The following PLCE1 variants were observed in gnomAD, a reference collection of about 807,000 sequenced individuals.
The protein encoded by PLCE1 is phospholipase C epsilon 1.
A neutral mutation model predicts 242.8 loss-of-function variants in PLCE1; 119 were observed. That is an observed-to-expected ratio of 0.49 (90% CI 0.42 to 0.57). PLCE1 has a LOEUF of 0.57. PLCE1 is among the 20% of genes least tolerant of loss of function. The pLI, the probability that PLCE1 is intolerant of heterozygous loss-of-function variation, is 0.00. For synonymous variants in PLCE1, 945 were observed against 1,017.4 expected (o/e 0.93, Z 1.35); for missense variants, 2,441 against 2,788.8 (o/e 0.88, Z 2.81).
chr10:94,033,272 C>T (rs1382998886), intron 2 of PLCE1, among the ~76,000 whole-genome samples: 1 of 151,682 alleles, frequency 6.6e-6, no homozygotes. Flanking sequence ...TATACTTATG[C>T]ATATATTGGA....
At chr10:94,255,912 ACACTCTCTCTCTCT>A (rs1203447952) in intron 11 of PLCE1, among the ~76,000 whole-genome samples, 163 of 87,016 alleles carry the variant, frequency 1.9e-3, no homozygotes, top group African/African-American at 3.5e-3. Flanking sequence ...ACACACACAC[ACACTCTCTCTCTCT>A]CTCTCTCTCT....
intron 2 of PLCE1, among the ~76,000 whole-genome samples, chr10:94,128,464 A>C (rs1022011655): frequency 6.6e-6 from 1 of 152,136 alleles, no homozygotes; most frequent in African/African-American, 2.4e-5. Flanking sequence ...CTTTGTGGTG[A>C]GGGTATTGGC....
intron 2 of PLCE1, among the ~76,000 whole-genome samples, chr10:94,091,797 T>C (rs1296551993): frequency 6.6e-6 from 1 of 151,988 alleles, no homozygotes; most frequent in Admixed American, 6.6e-5. Context: ...AAGGGGGTTA[T>C]GGGCCACCTG....
chr10:94,283,477 T>C (rs368722000), intron 20 of PLCE1: 1 of 343,210 alleles, frequency 2.9e-6, no homozygotes, highest in Non-Finnish European at 5.7e-6. Context: ...ATTTGCACAG[T>C]TCCAATCATC....
chr10:94,269,154 T>G lies in PLCE1; in HGVS notation c.4389+118T>G, dbSNP rs935959383. Reference sequence around the variant, plus strand: ...TCTCGCTCTGTTATCCAGGCTGGAGTAGAGTGGTACCATCTTGGCTCACTG... The same window carrying G: ...TCTCGCTCTGTTATCCAGGCTGGAGGAGAGTGGTACCATCTTGGCTCACTG... On this transcript the variant is annotated intron_variant, in intron 17 of 32. Transcript: ENST00000371380. The G allele has an allele frequency of 1.5e-5, 9 of 601,292 alleles. No homozygotes were observed. In the Admixed American group the frequency reaches 2.3e-4, roughly 15 times the overall value. 37.2% of individuals were successfully genotyped at this position (601,292 alleles called of 1,614,324 possible).
At chr10:94,171,063 C>A in intron 3 of PLCE1, 117 bp from the exon 4 acceptor site, 1 of 873,790 alleles carries the variant, frequency 1.1e-6, no homozygotes, top group Non-Finnish European at 1.9e-6. Context: ...CAGAACTCTT[C>A]ACTAAGCAGA....
intron 27 of PLCE1, among the ~76,000 whole-genome samples, chr10:94,309,852 C>A (rs2053330340): frequency 6.6e-6 from 1 of 151,928 alleles, no homozygotes; most frequent in Non-Finnish European, 1.5e-5. Context: ...TTGGGCAAGA[C>A]CCCATCTCTA....
At chr10:94,066,119 A>G (rs1342264219) in intron 2 of PLCE1, among the ~76,000 whole-genome samples, 1 of 152,210 alleles carries the variant, frequency 6.6e-6, no homozygotes, top group African/African-American at 2.4e-5. Flanking sequence ...ATGTGGAGAC[A>G]GCAAACTTTG....
At chr10:94,160,827 G>C (rs914774707) in intron 3 of PLCE1, among the ~76,000 whole-genome samples, 4 of 151,938 alleles carry the variant, frequency 2.6e-5, no homozygotes, top group East Asian at 1.9e-4. Flanking sequence ...CTCCATATGG[G>C]TAGCCAGTTT....
chr10:94,051,286 C>CAAAAAAAAAAAAAAAA (rs869233995), intron 2 of PLCE1, among the ~76,000 whole-genome samples: 1 of 29,356 alleles, frequency 3.4e-5, no homozygotes, highest in Non-Finnish European at 7.5e-5. Context: ...GACTCCAACT[C>CAAAAAAAAAAAAAAAA]AAAAAAAAAA....
chr10:94,292,285 A>G (rs2052669573), intron 22 of PLCE1, among the ~76,000 whole-genome samples: 1 of 152,186 alleles, frequency 6.6e-6, no homozygotes, highest in Non-Finnish European at 1.5e-5. Context: ...AGTATGGACA[A>G]GTTGAGCATC....
chr10:94,162,117 G>C (rs1444711797), intron 3 of PLCE1, among the ~76,000 whole-genome samples: 1 of 151,872 alleles, frequency 6.6e-6, no homozygotes, highest in Non-Finnish European at 1.5e-5. Context: ...CTAAAATTCT[G>C]TTTTTTTGTT....
chr10:94,199,635 G>C (rs2048932161), intron 4 of PLCE1, among the ~76,000 whole-genome samples: 1 of 152,188 alleles, frequency 6.6e-6, no homozygotes, highest in Non-Finnish European at 1.5e-5. Flanking sequence ...ACGGCAAAAA[G>C]GTTTGTCTTA....
intron 20 of PLCE1, chr10:94,280,552 A>G (rs1471931631): frequency 6.5e-6 from 1 of 152,892 alleles, no homozygotes; most frequent in Non-Finnish European, 1.5e-5. Flanking sequence ...TTTCATTTGC[A>G]TTAAACATTT....
In PLCE1 at chr10:94,031,571, A is replaced by C; in HGVS notation, c.525A>C (p.Thr175=). 6.2e-7 allele frequency: 1 copy of C among 1,612,420 alleles called. No individual in the cohort carries two copies. The highest frequency in any genetic ancestry group is 8.5e-7 in the Non-Finnish European group (1 of 1,179,628). Residue 175 remains threonine (T), a synonymous_variant, in exon 2 of 33, where the codon ACA becomes ACC. Transcript: ENST00000371380. ...PLGNQSVIIE[T]GRAHPDSRRA... ...GAAATCAGTCAGTGATCATAGAGAC[A>C]GGCAGAGCACACCCTGACAGCAGAA... is the stretch of plus-strand genomic sequence containing the variant.
At chr10:94,028,150 C>A (rs1472433313) in intron 1 of PLCE1, among the ~76,000 whole-genome samples, 1 of 152,166 alleles carries the variant, frequency 6.6e-6, no homozygotes, top group Non-Finnish European at 1.5e-5. Context: ...AGCATATTAG[C>A]CCAAAATGTA....
chr10:94,229,216 A>G (rs1424704363), intron 5 of PLCE1, among the ~76,000 whole-genome samples: 1 of 151,266 alleles, frequency 6.6e-6, no homozygotes, highest in Non-Finnish European at 1.5e-5. Context: ...AAAAACAGAA[A>G]AAAGAAAATA....
At chr10:94,111,064 C>A (rs1004208832) in intron 2 of PLCE1, among the ~76,000 whole-genome samples, 26 of 152,184 alleles carry the variant, frequency 1.7e-4, no homozygotes, top group African/African-American at 5.8e-4. Context: ...GAATCATGCA[C>A]TGATACATCC....
intron 4 of PLCE1, among the ~76,000 whole-genome samples, chr10:94,214,673 C>G (rs547859834): frequency 6.6e-6 from 1 of 152,226 alleles, no homozygotes; most frequent in Admixed American, 6.5e-5. Context: ...GGCTGGTTGT[C>G]GGTCTCCTTC....
Sources: gnomAD v4.1 joint callset for allele counts (sites outside exome capture counted in the v4.1 genomes callset) on GRCh38, gnomAD v4.1.1 for gene constraint, MANE v1.5 for transcripts, NCBI Gene and HGNC (gene_info 2026-07-23, HGNC 2026-07-21) for gene names.